Variants in MCF2 observed in about 807,000 individuals in gnomAD.
MCF2 encodes the protein proto-oncogene DBL.
A neutral mutation model predicts 82.5 loss-of-function variants in MCF2; 44 were observed. The observed-to-expected ratio is 0.53, with a 90% CI of 0.42 to 0.69. The LOEUF is 0.69. Ranked by LOEUF, MCF2 falls within the 30% of genes least tolerant of loss-of-function variation. The pLI is 0.00. For synonymous variants in MCF2, 217 were observed against 224.9 expected, an observed-to-expected ratio of 0.96 and a Z score of 0.32; for missense variants, 623 against 663.1, an observed-to-expected ratio of 0.94 and a Z score of 0.66.
intron 1 of MCF2, among the ~76,000 whole-genome samples, chrX:139,696,427 C>G (rs1457572169): frequency 9.5e-6 from 1 of 105,425 alleles, no homozygotes; most frequent in African/African-American, 3.5e-5. Context: ...GAGACAGAGT[C>G]TTTTGTTTTT....
intron 1 of MCF2, among the ~76,000 whole-genome samples, chrX:139,668,446 A>AC: frequency 9.0e-6 from 1 of 111,158 alleles, no homozygotes; most frequent in South Asian, 3.8e-4. Flanking sequence ...TGTTTGTTTC[A>AC]GGCTTTGAGA....
At chrX:139,697,061 A>G (rs1935399084) in intron 1 of MCF2, among the ~76,000 whole-genome samples, 3 of 111,833 alleles carry the variant, frequency 2.7e-5, no homozygotes, top group Admixed American at 1.9e-4. Flanking sequence ...TTCTAAATCC[A>G]TGTGACACAG....
At chrX:139,595,655 C>T (rs1054930609) in intron 19 of MCF2, among the ~76,000 whole-genome samples, 2 of 106,617 alleles carry the variant, frequency 1.9e-5, no homozygotes, top group African/African-American at 6.9e-5. Context: ...TGCAGCACAC[C>T]AGCGTGGCAC....
chrX:139,665,920 TATATATACAC>T (rs1934502379), intron 1 of MCF2, among the ~76,000 whole-genome samples: 1 of 87,818 alleles, frequency 1.1e-5, no homozygotes, highest in African/African-American at 4.6e-5. Flanking sequence ...TATATATATA[TATATATACAC>T]ACACACACAA....
intron 1 of MCF2, among the ~76,000 whole-genome samples, chrX:139,658,341 T>G (rs761636578): frequency 2.3e-4 from 14 of 61,125 alleles, no homozygotes; most frequent in Admixed American, 1.1e-3. Flanking sequence ...GCAATGTGGG[T>G]TTTTTTTTTC....
At chrX:139,650,838 A>G (rs1432137986) in intron 2 of MCF2, among the ~76,000 whole-genome samples, 3 of 112,161 alleles carry the variant, frequency 2.7e-5, no homozygotes, top group African/African-American at 9.7e-5. Flanking sequence ...CATAAAATGG[A>G]TTATTATTCA....
chrX:139,611,536 C>T (rs1931491639), intron 10 of MCF2, among the ~76,000 whole-genome samples: 1 of 111,845 alleles, frequency 8.9e-6, no homozygotes, highest in Admixed American at 9.6e-5. Flanking sequence ...AATATGTGCA[C>T]AACTTATGAG....
chrX:139,609,380 C>CA (rs1240334310), intron 11 of MCF2, among the ~76,000 whole-genome samples: 4 of 110,415 alleles, frequency 3.6e-5, no homozygotes, highest in African/African-American at 1.3e-4. Flanking sequence ...CCCTGTCTAT[C>CA]AAAAAAAGTG....
chrX:139,603,663 G>A (rs1248354296), intron 15 of MCF2, among the ~76,000 whole-genome samples: 1 of 110,633 alleles, frequency 9.0e-6, no homozygotes, highest in Non-Finnish European at 1.9e-5. Flanking sequence ...GTGAAACCCC[G>A]TCTCTACTAA....
chrX:139,643,275 T>C (rs1180301512), upstream of MCF2, among the ~76,000 whole-genome samples: 1 of 112,057 alleles, frequency 8.9e-6, no homozygotes, highest in Non-Finnish European at 1.9e-5. Flanking sequence ...TCAAATTGAA[T>C]TGTATGATTA....
rs1932978099 is a variant in MCF2 at position 139,632,486 on chromosome X, A to C, written c.52-32T>G. ...AAAGAAAGAACAAAAGAAATTGGAA[A>C]AAAAATTGTCAACACACACTCAACT... On this transcript the variant is annotated intron_variant, in intron 1 of 24. Coordinates refer to ENST00000370576, the Ensembl canonical transcript of MCF2. The C allele has an allele frequency of 6.8e-6, 8 of 1,174,309 alleles. No individual in the cohort carries two copies. The East Asian group carries it at 2.4e-4, about 35-fold the overall frequency.
At chrX:139,605,728 C>G (rs1316280011) in exon 13 of MCF2, 1 of 1,201,282 alleles carries the variant, frequency 8.3e-7, no homozygotes, top group African/African-American at 1.7e-5. Flanking sequence ...AAACAGTATA[C>G]AGTTCTCGAA....
chrX:139,704,590 G>A (rs193195142), intron 1 of MCF2, among the ~76,000 whole-genome samples: 2 of 111,285 alleles, frequency 1.8e-5, no homozygotes, highest in African/African-American at 6.5e-5. Context: ...CCAATAACCT[G>A]TGGAAATGAA....
intron 5 of MCF2, 35 bp downstream of exon 8, chrX:139,626,583 TATAAA>T (rs1285289298): frequency 8.7e-7 from 1 of 1,150,010 alleles, no homozygotes; most frequent in Non-Finnish European, 1.2e-6. Context: ...CTTTCAAAAA[TATAAA>T]ATAAGTAACT....
exon 2 of MCF2, chrX:139,651,745 T>C (rs1249203583): frequency 1.7e-6 from 2 of 1,163,933 alleles, no homozygotes; most frequent in Admixed American, 2.6e-5. Flanking sequence ...TGTCTTGCAT[T>C]AAGAAATGAC....
rs960224994 is a variant in MCF2 at position 139,659,886 on chromosome X, C to T, written c.-44-8098G>A. Among the ~76,000 whole-genome samples, 3 of 112,061 alleles carry T rather than the reference C, an allele frequency of 2.7e-5. No homozygotes were observed. In the Admixed American group the frequency reaches 2.8e-4, roughly 11 times the overall value. ...ACAATCGCTACCATTTGCTGAGCAA[C>T]TAGTATCAACCAGGCACTACACAAG... On this transcript the variant is annotated intron_variant, in intron 1 of 27. Transcript: ENST00000414978.
At chrX:139,682,509 T>C (rs955919686) in intron 1 of MCF2, among the ~76,000 whole-genome samples, 1 of 112,237 alleles carries the variant, frequency 8.9e-6, no homozygotes, top group African/African-American at 3.2e-5. Context: ...AAAATAGAAA[T>C]AAGTAAATAT....
At chrX:139,672,924 G>A (rs920610638) in intron 1 of MCF2, among the ~76,000 whole-genome samples, 4 of 111,509 alleles carry the variant, frequency 3.6e-5, no homozygotes, top group African/African-American at 9.8e-5. Flanking sequence ...GGTAGAATTC[G>A]GCTGTGAATC....
chrX:139,591,744 G>C (rs1603274667), intron 19 of MCF2, among the ~76,000 whole-genome samples: 1 of 110,372 alleles, frequency 9.1e-6, no homozygotes, highest in East Asian at 2.9e-4. Flanking sequence ...CCAGAGGAGG[G>C]ACGGAGGGAG....
Sources: gnomAD v4.1 joint callset for allele counts (sites outside exome capture counted in the v4.1 genomes callset) on GRCh38, gnomAD v4.1.1 for gene constraint, MANE v1.5 for transcripts, NCBI Gene and HGNC (gene_info 2026-07-23, HGNC 2026-07-21) for gene names.